Variants in PDE4D observed in about 807,000 individuals in gnomAD.
PDE4D encodes phosphodiesterase 4D, also known as 3',5'-cyclic-AMP phosphodiesterase 4D.
A neutral mutation model predicts 87.4 loss-of-function variants in PDE4D; 24 were observed. The ratio of observed to expected loss-of-function variants is 0.27; its 90% CI spans 0.20 to 0.39. PDE4D has a LOEUF of 0.39. PDE4D is among the 10% of genes least tolerant of loss of function. The pLI, the probability that PDE4D is intolerant of heterozygous loss-of-function variation, is 1.00. For synonymous variants in PDE4D, 384 were observed against 383.2 expected (o/e 1.00, Z -0.02); for missense variants, 714 against 1,041.0 (o/e 0.69, Z 4.32).
intron 1 of PDE4D, among the ~76,000 whole-genome samples, chr5:59,574,144 AAATATATATTTATATATATATATAT>A (rs1822679389): frequency 2.3e-4 from 1 of 4,406 alleles, no homozygotes; most frequent in Non-Finnish European, 7.1e-4. Flanking sequence ...ATATATATAT[AAATATATATTTATATATATATATAT>A]ATAAATATCT....
At chr5:60,167,266 C>CTTTTTTTTTTTTTT (rs142613050) in intron 2 of PDE4D, among the ~76,000 whole-genome samples, 1 of 86,474 alleles carries the variant, frequency 1.2e-5, no homozygotes, top group African/African-American at 4.7e-5. Flanking sequence ...TGTGTATTTT[C>CTTTTTTTTTTTTTT]TTTTTTTTTT....
rs371837045 is a variant in PDE4D, at chr5:59,728,624, AATT to A, written c.455+164541_455+164543del. ...GCCTGGCCAGCTGTCTTACATAAAC[AATT>A]ATTCATGATTTTAAATTATTAATAA... On this transcript the variant is annotated intron_variant, in intron 1 of 14. Coordinates refer to ENST00000340635, the MANE Select transcript of PDE4D (RefSeq NM_001104631.2). Among the ~76,000 whole-genome samples, 19 of 152,188 alleles carry A rather than the reference AATT, an allele frequency of 1.2e-4. No homozygotes were observed. The South Asian group carries it at 2.5e-3, about 20-fold the overall frequency.
At chr5:59,536,868 T>G (rs1050894385) in intron 1 of PDE4D, among the ~76,000 whole-genome samples, 1 of 152,220 alleles carries the variant, frequency 6.6e-6, no homozygotes, top group African/African-American at 2.4e-5. Flanking sequence ...ACAACCTACA[T>G]GAAATAAGAC....
chr5:60,429,520 G>A (rs1398046472), intron 1 of PDE4D, among the ~76,000 whole-genome samples: 1 of 152,178 alleles, frequency 6.6e-6, no homozygotes, highest in Non-Finnish European at 1.5e-5. Flanking sequence ...GGAGCAGTGA[G>A]AGTGGGCATC....
At chr5:59,530,105 G>C (rs1236465485) in intron 1 of PDE4D, among the ~76,000 whole-genome samples, 1 of 152,184 alleles carries the variant, frequency 6.6e-6, no homozygotes, top group Non-Finnish European at 1.5e-5. Context: ...CACATTTTGA[G>C]TAGCAAGGTA....
chr5:59,874,287 T>C (rs955447479), intron 1 of PDE4D, among the ~76,000 whole-genome samples: 1 of 152,194 alleles, frequency 6.6e-6, no homozygotes, highest in Admixed American at 6.5e-5. Flanking sequence ...CTTCTCAACA[T>C]CTCCATGGTA....
chr5:60,063,142 GAAAGAAAGAAA>G (rs1173591266), intron 2 of PDE4D, among the ~76,000 whole-genome samples: 2 of 145,294 alleles, frequency 1.4e-5, no homozygotes, highest in Non-Finnish European at 3.0e-5. Context: ...AAGAAAGAAA[GAAAGAAAGAAA>G]GAAGGAAAGA....
At chr5:60,335,421 A>C (rs1757668654) in intron 1 of PDE4D, among the ~76,000 whole-genome samples, 1 of 152,206 alleles carries the variant, frequency 6.6e-6, no homozygotes, top group South Asian at 2.1e-4. Flanking sequence ...CAAAAGACAG[A>C]GGCCCTCTCT....
intron 1 of PDE4D, among the ~76,000 whole-genome samples, chr5:59,432,563 C>T (rs1562178467): frequency 6.6e-6 from 1 of 152,072 alleles, no homozygotes; most frequent in African/African-American, 2.4e-5. Context: ...TGGAAGATGT[C>T]AACTCCTCCA....
At chr5:60,010,625 A>G (rs758128813) in intron 2 of PDE4D, among the ~76,000 whole-genome samples, 67 of 152,120 alleles carry the variant, frequency 4.4e-4, no homozygotes, top group Non-Finnish European at 4.9e-4. Context: ...AGCCTATTGC[A>G]TGGAACACTC....
chr5:59,783,026 T>C (rs1764782548), intron 1 of PDE4D, among the ~76,000 whole-genome samples: 1 of 152,324 alleles, frequency 6.6e-6, no homozygotes, highest in South Asian at 2.1e-4. Flanking sequence ...TATGGATGTG[T>C]TAATGTATTA....
chr5:59,997,307 T>C (rs1362753755), intron 2 of PDE4D, among the ~76,000 whole-genome samples: 1 of 152,132 alleles, frequency 6.6e-6, no homozygotes, highest in Non-Finnish European at 1.5e-5. Flanking sequence ...TTACAGTAAG[T>C]ATAGGTAAAA....
At chr5:59,878,959 C>T (rs1239623968) in intron 1 of PDE4D, among the ~76,000 whole-genome samples, 3 of 132,052 alleles carry the variant, frequency 2.3e-5, no homozygotes, top group African/African-American at 5.9e-5. Flanking sequence ...AATGCAGTGA[C>T]GCGATCTCGG....
At chr5:59,515,543 A>G (rs942413653) in intron 1 of PDE4D, among the ~76,000 whole-genome samples, 20 of 152,242 alleles carry the variant, frequency 1.3e-4, no homozygotes, top group African/African-American at 4.6e-4. Context: ...TCTACAAAGA[A>G]TACCTAAAAG....
At chr5:59,430,337 A>G (rs1450235353) in intron 1 of PDE4D, 1 of 1,231,294 alleles carries the variant, frequency 8.1e-7, no homozygotes, top group Non-Finnish European at 1.0e-6. Context: ...TTGATCGCGT[A>G]TGGTGATCCA....
intron 1 of PDE4D, chr5:59,275,727 T>C (rs2153543908): frequency 9.6e-7 from 1 of 1,045,432 alleles, no homozygotes; most frequent in South Asian, 4.3e-5. Context: ...GAAACCAGCA[T>C]AGTGAAAGAG....
chr5:59,746,644 C>T (rs367820050), intron 1 of PDE4D, among the ~76,000 whole-genome samples: 13 of 152,044 alleles, frequency 8.6e-5, no homozygotes, highest in Non-Finnish European at 1.8e-4. Context: ...CCTGCAAACT[C>T]GCCAGCGTGA....
intron 1 of PDE4D, among the ~76,000 whole-genome samples, chr5:60,225,293 G>T (rs549777148): frequency 2.0e-5 from 3 of 151,848 alleles, no homozygotes; most frequent in Admixed American, 1.3e-4. Flanking sequence ...TACTTGCCTC[G>T]TATTTATACC....
intron 3 of PDE4D, among the ~76,000 whole-genome samples, chr5:59,932,939 A>G (rs1045891787): frequency 5.5e-5 from 8 of 145,982 alleles, no homozygotes; most frequent in African/African-American, 1.5e-4. Context: ...CCCAGGGAGC[A>G]GCTAACCCTT....
Sources: gnomAD v4.1 joint callset for allele counts (sites outside exome capture counted in the v4.1 genomes callset) on GRCh38, gnomAD v4.1.1 for gene constraint, MANE v1.5 for transcripts, NCBI Gene and HGNC (gene_info 2026-07-23, HGNC 2026-07-21) for gene names.